PAQR3: variants seen among roughly 807,000 people sequenced by gnomAD.
The protein encoded by PAQR3 is Raf kinase trapping to Golgi.
A neutral mutation model predicts 41.7 loss-of-function variants in PAQR3; 39 were observed. That is an observed-to-expected ratio of 0.93 (90% CI 0.72 to 1.22). The LOEUF is 1.22. Ranked by LOEUF, PAQR3 falls within the 50% of genes most tolerant of loss-of-function variation. PAQR3 has a pLI of 0.00. For missense variants in PAQR3, 366 were observed against 385.6 expected, an observed-to-expected ratio of 0.95 and a Z score of 0.42; for synonymous variants, 140 against 140.6, an observed-to-expected ratio of 1.00 and a Z score of 0.03.
intron 4 of PAQR3, among the ~76,000 whole-genome samples, chr4:78,924,188 C>T (rs1258824580): frequency 6.6e-6 from 1 of 152,084 alleles, no homozygotes; most frequent in Non-Finnish European, 1.5e-5. Flanking sequence ...TTCCTAAGGG[C>T]ATCCAACTCC....
Position 78,917,629 on chromosome 4 carries a change from AAGTAGAATTCCC to A in PAQR3, c.*2898_*2909del, listed in dbSNP as rs1183822449. The A allele has an allele frequency of 5.4e-6, 1 of 185,186 alleles. No individual in the cohort carries two copies. The highest frequency in any genetic ancestry group is 1.0e-5 in the Non-Finnish European group (1 of 98,476). The allele number at this position is 185,186 out of a possible 1,614,324, so 11.5% of individuals were successfully genotyped here. A position where few individuals can be genotyped will look rare whatever the true frequency, so the allele number is the denominator to read the frequency against. On this transcript the variant is annotated 3_prime_UTR_variant, in exon 6 of 6. Coordinates refer to ENST00000512733, the MANE Select transcript of PAQR3 (RefSeq NM_001040202.2). Reference sequence around the variant, plus strand: ...GCTGATTCTTTACACACTTGGGCAGAAGTAGAATTCCCAGGAATGATGATTTACAGTGGACAG... The same window carrying A: ...GCTGATTCTTTACACACTTGGGCAGAAGGAATGATGATTTACAGTGGACAG...
At chr4:78,902,493 A>G (rs1734059754) in intron 11 of PAQR3, among the ~76,000 whole-genome samples, 1 of 149,166 alleles carries the variant, frequency 6.7e-6, no homozygotes. Flanking sequence ...AACATGGTAA[A>G]TTGCTGGGAG....
At position 78,913,269 on chromosome 4, in the gene PAQR3, TG is replaced by T. The variant is rs1192816844; in HGVS notation, c.*7269del. ...ACCAGATCCTAAAATGCATATAAGG[TG>T]GACTAGCATCTTAATTCTGCTAGTT... On this transcript the variant is annotated 3_prime_UTR_variant, in exon 6 of 6. Transcript: ENST00000512733. 1 of 152,118 alleles carries T rather than the reference TG, an allele frequency of 6.6e-6. No homozygotes were observed. Among genetic ancestry groups the T allele is most frequent in the Admixed American group, 6.6e-5 (1 of 15,264 alleles). The allele number at this position is 152,118 out of a possible 1,614,324, so 9.4% of individuals were successfully genotyped here. A position where few individuals can be genotyped will look rare whatever the true frequency, so the allele number is the denominator to read the frequency against.
chr4:78,919,708 C>T lies in PAQR3; in HGVS notation c.*831G>A, dbSNP rs1735468600. 1.0e-6 allele frequency: 1 copy of T among 985,026 alleles called. No individual in the cohort carries two copies. Among genetic ancestry groups the T allele is most frequent in the Non-Finnish European group, 1.2e-6 (1 of 829,734 alleles). 61.0% of individuals were successfully genotyped at this position (985,026 alleles called of 1,614,324 possible). A position where few individuals can be genotyped will look rare whatever the true frequency, so the allele number is the denominator to read the frequency against. ...GACTACAAATTCAGAGAGTTGAAAG[C>T]TCTGGAATTTTGGGATCAAAAACCT... On this transcript the variant is annotated 3_prime_UTR_variant, in exon 6 of 6. Transcript: ENST00000512733.
At chr4:78,901,791 T>C (rs1031079288) in intron 11 of PAQR3, among the ~76,000 whole-genome samples, 14 of 152,182 alleles carry the variant, frequency 9.2e-5, no homozygotes, top group Non-Finnish European at 2.1e-4. Flanking sequence ...TCTAAAATTG[T>C]ATTTGAAGAG....
intron 11 of PAQR3, among the ~76,000 whole-genome samples, chr4:78,890,400 A>ATG (rs910676280): frequency 4.4e-5 from 6 of 135,010 alleles, no homozygotes; most frequent in African/African-American, 2.3e-4. Flanking sequence ...ATACACAATC[A>ATG]TGCGCACACA....
chr4:78,912,070 CAAA>C lies in PAQR3; in HGVS notation c.*8466_*8468del. On this transcript the variant is annotated 3_prime_UTR_variant, in exon 6 of 6. Coordinates refer to ENST00000512733, the MANE Select transcript of PAQR3 (RefSeq NM_001040202.2). ...GGATTCTCGGCATTAACTCCTGTTTCAAAAAAGTGTGAACAGTTTTATGAATTT... is the reference window on the plus strand; with the variant it reads ...GGATTCTCGGCATTAACTCCTGTTTCAAAGTGTGAACAGTTTTATGAATTT... 6.6e-7 allele frequency: 1 copy of C among 1,521,144 alleles called. No individual in the cohort carries two copies. Among genetic ancestry groups the C allele is most frequent in the Non-Finnish European group, 8.9e-7 (1 of 1,126,750 alleles). 94.2% of individuals were successfully genotyped at this position (1,521,144 alleles called of 1,614,324 possible).
At chr4:78,923,449 T>G (rs1039645286) in intron 5 of PAQR3, 11 of 225,974 alleles carry the variant, frequency 4.9e-5, no homozygotes, top group Admixed American at 1.1e-4. Context: ...GTCATTTACA[T>G]TTTCTTACTG....
chr4:78,893,653 C>T (rs1463086282), intron 11 of PAQR3, among the ~76,000 whole-genome samples: 3 of 152,172 alleles, frequency 2.0e-5, no homozygotes, highest in Non-Finnish European at 4.4e-5. Flanking sequence ...GCCTCGAACT[C>T]CTGGGCTCCA....
chr4:78,906,367 C>A (rs187507290), intron 10 of PAQR3, among the ~76,000 whole-genome samples: 1 of 151,714 alleles, frequency 6.6e-6, no homozygotes, highest in Non-Finnish European at 1.5e-5. Context: ...TGTAGGGGGG[C>A]AAAATAAGTA....
intron 5 of PAQR3, among the ~76,000 whole-genome samples, chr4:78,921,168 T>C (rs1381067309): frequency 6.6e-6 from 1 of 151,960 alleles, no homozygotes; most frequent in Non-Finnish European, 1.5e-5. Context: ...AATTCTGTGC[T>C]CTCTAACTAA....
In PAQR3 at chr4:78,912,013, C is replaced by T. The variant is rs1247177155; in HGVS notation, c.*8526G>A. The T allele has an allele frequency of 3.1e-6, 5 of 1,610,882 alleles. No individual in the cohort carries two copies. The South Asian group carries it at 4.4e-5, about 14-fold the overall frequency. On this transcript the variant is annotated 3_prime_UTR_variant, in exon 6 of 6. Transcript: ENST00000512733. Reference sequence around the variant, plus strand: ...CGAATTAGACCCATTTGGTGCTGCTCCATTTCCTTCTAAACAGTAGATACT... The same window carrying T: ...CGAATTAGACCCATTTGGTGCTGCTTCATTTCCTTCTAAACAGTAGATACT...
At position 78,918,697 on chromosome 4, in the gene PAQR3, A is replaced by T. The variant is rs948972359; in HGVS notation, c.*1842T>A. On this transcript the variant is annotated 3_prime_UTR_variant, in exon 6 of 6. Transcript: ENST00000512733. ...GGACTGCAAAAATTGAAATGATTCAATGTTTTTTTATTTTGAGAAAGTTTT... is the reference window on the plus strand; with the variant it reads ...GGACTGCAAAAATTGAAATGATTCATTGTTTTTTTATTTTGAGAAAGTTTT... 1.0e-6 allele frequency: 1 copy of T among 964,216 alleles called. No homozygotes were observed. The highest frequency in any genetic ancestry group is 1.2e-6 in the Non-Finnish European group (1 of 810,688). 59.7% of individuals were successfully genotyped at this position (964,216 alleles called of 1,614,324 possible). A position where few individuals can be genotyped will look rare whatever the true frequency, so the allele number is the denominator to read the frequency against.
intron 11 of PAQR3, among the ~76,000 whole-genome samples, chr4:78,898,389 AGTG>A (rs929586876): frequency 4.6e-5 from 7 of 151,936 alleles, no homozygotes; most frequent in African/African-American, 1.7e-4. Flanking sequence ...TTTAGATTCT[AGTG>A]TATGATTCTT....
At chr4:78,907,695 A>G (rs1326073687), downstream of PAQR3, among the ~76,000 whole-genome samples, 3 of 152,168 alleles carry the variant, frequency 2.0e-5, no homozygotes, top group African/African-American at 7.2e-5. Context: ...ACTCCAGGTG[A>G]GTAGGAGTGG....
intron 4 of PAQR3, 24 bp from the exon 5 acceptor site, chr4:78,923,971 T>A: frequency 6.6e-7 from 1 of 1,512,072 alleles, no homozygotes. Context: ...CATGTTTTTT[T>A]ACAGATCTTC....
Position 78,918,107 on chromosome 4 carries a change from T to C in PAQR3, c.*2432A>G. ...ATGAGTTAACCACAACCATATAAAT[T>C]GCTAGACAATTTAAAACAGCCATAG... On this transcript the variant is annotated 3_prime_UTR_variant, in exon 6 of 6. Transcript: ENST00000512733. The C allele has an allele frequency of 9.2e-6, 9 of 973,432 alleles. No individual in the cohort carries two copies. The highest frequency in any genetic ancestry group is 9.8e-6 in the Non-Finnish European group (8 of 818,764). 60.3% of individuals were successfully genotyped at this position (973,432 alleles called of 1,614,324 possible). A position where few individuals can be genotyped will look rare whatever the true frequency, so the allele number is the denominator to read the frequency against.
chr4:78,935,335 C>T, intron 1 of PAQR3, 52 bp from the exon 2 acceptor site: 1 of 1,546,396 alleles, frequency 6.5e-7, no homozygotes, highest in Non-Finnish European at 8.8e-7. Context: ...AACTTACTGT[C>T]ACGTTCAAAG....
Position 78,919,418 on chromosome 4 carries a change from A to C in PAQR3, c.*1121T>G. 1 of 984,290 alleles carries C rather than the reference A, an allele frequency of 1.0e-6. No homozygotes were observed. The allele number at this position is 984,290 out of a possible 1,614,324, so 61.0% of individuals were successfully genotyped here. ...ATAGGGCAGTGAGTTCTATTTTTTA[A>C]GTATATACAATAAAAAGAAAGTTTA... On this transcript the variant is annotated 3_prime_UTR_variant, in exon 6 of 6. Coordinates refer to ENST00000512733, the MANE Select transcript of PAQR3 (RefSeq NM_001040202.2).
Sources: gnomAD v4.1 joint callset for allele counts (sites outside exome capture counted in the v4.1 genomes callset) on GRCh38, gnomAD v4.1.1 for gene constraint, MANE v1.5 for transcripts, NCBI Gene and HGNC (gene_info 2026-07-23, HGNC 2026-07-21) for gene names.